FGD6: variants seen among roughly 807,000 people sequenced by gnomAD.
The protein encoded by FGD6 is FYVE, RhoGEF and PH domain containing 6.
Under a neutral mutation model 149.4 loss-of-function variants are expected in FGD6, and 90 were observed. The ratio of observed to expected loss-of-function variants is 0.60; its 90% CI spans 0.51 to 0.72. FGD6 has a LOEUF of 0.72. FGD6 is among the 30% of genes least tolerant of loss of function. The probability of loss-of-function intolerance (pLI) is 0.00; values close to 1 mark genes in which losing one functional copy is unlikely to be tolerated. For missense variants in FGD6, 1,437 were observed against 1,684.8 expected, an observed-to-expected ratio of 0.85 and a Z score of 2.57; for synonymous variants, 527 against 584.0, an observed-to-expected ratio of 0.90 and a Z score of 1.41.
rs1877541899 is a variant in FGD6, at chr12:95,077,747, A to AT, written c.*3772dup. The AT allele has an allele frequency of 6.6e-6, 1 of 152,248 alleles. No individual in the cohort carries two copies. Among genetic ancestry groups the AT allele is most frequent in the African/African-American group, 2.4e-5 (1 of 41,460 alleles). The allele number at this position is 152,248 out of a possible 1,614,324, so 9.4% of individuals were successfully genotyped here. A position where few individuals can be genotyped will look rare whatever the true frequency, so the allele number is the denominator to read the frequency against. On this transcript the variant is annotated 3_prime_UTR_variant, in exon 21 of 21. Coordinates refer to ENST00000343958, the MANE Select transcript of FGD6 (RefSeq NM_018351.4). The stretch of plus-strand genomic sequence containing the variant: ...TGAGGATGGAAAGGATACTTGAGTA[A>AT]TTGCAGAGTCTTGTTGAGAGTTAGA...
In FGD6 at chr12:95,089,561, A is replaced by G. The variant is rs756716419; in HGVS notation, c.3978+8T>C. The G allele has an allele frequency of 6.2e-7, 1 of 1,612,380 alleles. No homozygotes were observed. The highest frequency in any genetic ancestry group is 8.5e-7 in the Non-Finnish European group (1 of 1,179,100). On this transcript the variant is annotated splice_region_variant and intron_variant, in intron 18 of 20. Transcript: ENST00000343958. ...CTATCACATTGCAAATTTAATGGAA[A>G]CACTTACTTCTTTGAGAGCAGCTGG...
chr12:95,109,360 A>G (rs1000369153), intron 9 of FGD6, among the ~76,000 whole-genome samples: 3 of 152,196 alleles, frequency 2.0e-5, no homozygotes, highest in African/African-American at 7.2e-5. Flanking sequence ...GCTTGTCACA[A>G]TGACCAGGAA....
At chr12:95,131,108 G>GTTT (rs59897965) in intron 8 of FGD6, among the ~76,000 whole-genome samples, 21 of 128,344 alleles carry the variant, frequency 1.6e-4, no homozygotes, top group Non-Finnish European at 2.2e-4. Context: ...TGGCTAAAGA[G>GTTT]TTTTTTTTTT....
At chr12:95,158,562 A>C (rs532601000) in intron 3 of FGD6, among the ~76,000 whole-genome samples, 63 of 152,108 alleles carry the variant, frequency 4.1e-4, no homozygotes, top group African/African-American at 1.4e-3. Context: ...GCACTAAATA[A>C]TCATGATTAC....
At chr12:95,095,784 C>T (rs1040379503) in intron 14 of FGD6, among the ~76,000 whole-genome samples, 13 of 152,008 alleles carry the variant, frequency 8.6e-5, no homozygotes. Context: ...GAGGCTAAGG[C>T]GGGTGGATCA....
chr12:95,182,830 CGA>C (rs1881323340), intron 2 of FGD6, among the ~76,000 whole-genome samples: 1 of 152,226 alleles, frequency 6.6e-6, no homozygotes, highest in South Asian at 2.1e-4. Context: ...CCCAACTACT[CGA>C]GAGGGGCAAG....
At chr12:95,100,775 A>T (rs1261894742) in intron 14 of FGD6, 2 of 469,054 alleles carry the variant, frequency 4.3e-6, no homozygotes, top group East Asian at 5.5e-5. Context: ...TACAATAGTG[A>T]TGAGCGAACA....
intron 3 of FGD6, among the ~76,000 whole-genome samples, chr12:95,162,974 G>C (rs1880690326): frequency 6.6e-6 from 1 of 152,166 alleles, no homozygotes; most frequent in Non-Finnish European, 1.5e-5. Context: ...CCTTGGCTCT[G>C]TGTTTACCCC....
Position 95,080,451 on chromosome 12 carries a change from A to G in FGD6, c.*1069T>C, listed in dbSNP as rs1877637159. On this transcript the variant is annotated 3_prime_UTR_variant, in exon 21 of 21. Coordinates refer to ENST00000343958, the MANE Select transcript of FGD6 (RefSeq NM_018351.4). ...AGGAGGTGTGCTGATAGCTGCTTATAGAGAAAGGATTTGTTGTTTTTTTTT... is the reference window on the plus strand; with the variant it reads ...AGGAGGTGTGCTGATAGCTGCTTATGGAGAAAGGATTTGTTGTTTTTTTTT... 1 of 146,846 alleles carries G rather than the reference A, an allele frequency of 6.8e-6. No individual in the cohort carries two copies. The highest frequency in any genetic ancestry group is 2.6e-5 in the African/African-American group (1 of 38,858). 9.1% of individuals were successfully genotyped at this position (146,846 alleles called of 1,614,324 possible). A position where few individuals can be genotyped will look rare whatever the true frequency, so the allele number is the denominator to read the frequency against.
chr12:95,208,500 A>T (rs979066547), intron 2 of FGD6, among the ~76,000 whole-genome samples: 1 of 152,120 alleles, frequency 6.6e-6, no homozygotes, highest in Admixed American at 6.6e-5. Flanking sequence ...AATGTCATTG[A>T]ATTGGCCAAT....
chr12:95,211,695 A>G (rs1024887414), intron 1 of FGD6, among the ~76,000 whole-genome samples: 10 of 151,978 alleles, frequency 6.6e-5, no homozygotes, highest in Admixed American at 6.6e-4. Context: ...GCGCACCACC[A>G]CATCCGGCTA....
intron 5 of FGD6, among the ~76,000 whole-genome samples, chr12:95,150,795 GA>G (rs777480322): frequency 7.8e-4 from 119 of 152,086 alleles, no homozygotes; most frequent in South Asian, 1.5e-3. Flanking sequence ...ATTAAAAAAA[GA>G]AAATCTATTA....
chr12:95,112,280 G>A (rs993821160), intron 9 of FGD6, among the ~76,000 whole-genome samples: 6 of 149,220 alleles, frequency 4.0e-5, no homozygotes, highest in Non-Finnish European at 8.9e-5. Flanking sequence ...AAAATTAATG[G>A]ACTTGCTTAA....
chr12:95,173,563 C>T (rs922561083), intron 2 of FGD6, among the ~76,000 whole-genome samples: 8 of 152,174 alleles, frequency 5.3e-5, no homozygotes, highest in Non-Finnish European at 1.0e-4. Flanking sequence ...CTAAAAGCCA[C>T]TGTTGCAATC....
intron 2 of FGD6, 59 bp from the exon 3 acceptor site, chr12:95,172,803 CA>C: frequency 2.2e-6 from 3 of 1,367,842 alleles, no homozygotes; most frequent in Non-Finnish European, 2.9e-6. Flanking sequence ...GCTAGCAAAA[CA>C]AAAACCAAAT....
chr12:95,170,674 T>C (rs991245562), intron 3 of FGD6, among the ~76,000 whole-genome samples: 1 of 152,116 alleles, frequency 6.6e-6, no homozygotes, highest in African/African-American at 2.4e-5. Flanking sequence ...CATAGAAGCT[T>C]AGAACCTGAG....
chr12:95,114,819 G>A (rs767369916), intron 8 of FGD6, among the ~76,000 whole-genome samples: 2 of 152,048 alleles, frequency 1.3e-5, no homozygotes, highest in Non-Finnish European at 2.9e-5. Flanking sequence ...CCTGCTACAT[G>A]GTCCCTATCA....
chr12:95,121,614 A>G (rs926103267), intron 8 of FGD6, among the ~76,000 whole-genome samples: 2 of 151,050 alleles, frequency 1.3e-5, no homozygotes, highest in Non-Finnish European at 2.9e-5. Flanking sequence ...CTCTGATTTT[A>G]TTTGTAGTAT....
chr12:95,173,306 A>G (rs906300812), intron 2 of FGD6, among the ~76,000 whole-genome samples: 3 of 152,200 alleles, frequency 2.0e-5, no homozygotes, highest in African/African-American at 7.2e-5. Context: ...ACAAATTCTC[A>G]GATTATGCTC....
Sources: allele counts gnomAD v4.1 joint callset (sites outside exome capture counted in the v4.1 genomes callset), GRCh38; gene constraint gnomAD v4.1.1; transcripts MANE v1.5; gene names NCBI Gene and HGNC (gene_info 2026-07-23, HGNC 2026-07-21).